Variants in GRK3 observed in about 807,000 individuals in gnomAD.
GRK3 encodes the protein adrenergic, beta, receptor kinase 2.
In GRK3, 54 loss-of-function variants were observed where a neutral mutation model predicts 95.7. The observed-to-expected ratio is 0.56, with a 90% CI of 0.45 to 0.71. GRK3 has a LOEUF of 0.71. GRK3 is among the 30% of genes least tolerant of loss of function. GRK3 has a pLI of 0.00. For synonymous variants in GRK3, 281 were observed against 290.8 expected (o/e 0.97, Z 0.34); for missense variants, 649 against 851.2 (o/e 0.76, Z 2.96).
intron 15 of GRK3, 81 bp from the exon 16 acceptor site, chr22:25,709,814 ATTG>A: frequency 1.0e-6 from 1 of 966,854 alleles, no homozygotes; most frequent in African/African-American, 1.6e-5. Flanking sequence ...GCTCCCCTGT[ATTG>A]TTAACAGGAG....
intron 1 of GRK3, among the ~76,000 whole-genome samples, chr22:25,599,588 TC>T (rs2084395245): frequency 8.2e-6 from 1 of 122,646 alleles, no homozygotes; most frequent in Non-Finnish European, 1.6e-5. Context: ...CGAGACTCTG[TC>T]TCAAAAAAAA....
chr22:25,624,391 C>T (rs1030208934), intron 2 of GRK3, among the ~76,000 whole-genome samples: 3 of 151,836 alleles, frequency 2.0e-5, no homozygotes, highest in Admixed American at 2.0e-4. Context: ...GTGAAACCCC[C>T]TCTCTACTAA....
chr22:25,650,156 G>A (rs1194332901), intron 3 of GRK3, among the ~76,000 whole-genome samples: 2 of 151,840 alleles, frequency 1.3e-5, no homozygotes, highest in African/African-American at 2.4e-5. Context: ...TAATCCCAGT[G>A]CCACCCTGTA....
chr22:25,576,617 A>T (rs892061615), intron 1 of GRK3, among the ~76,000 whole-genome samples: 13 of 152,256 alleles, frequency 8.5e-5, no homozygotes, highest in Non-Finnish European at 2.9e-5. Context: ...AGGTTCAGGG[A>T]GAAGCTAATT....
At position 25,727,281 on chromosome 22, in the gene GRK3, T is replaced by C. The variant is rs1165249534; in HGVS notation, c.*4831T>C. 1 of 152,258 alleles carries C rather than the reference T, an allele frequency of 6.6e-6. No homozygotes were observed. The highest frequency in any genetic ancestry group is 1.5e-5 in the Non-Finnish European group (1 of 68,040). 9.4% of individuals were successfully genotyped at this position (152,258 alleles called of 1,614,324 possible). On this transcript the variant is annotated 3_prime_UTR_variant, in exon 21 of 21. Transcript: ENST00000324198. ...ACTTAAATTCATGTTAATATGATTTTTTTTTAATCCAGGTCACATTTTAAC... is the reference window on the plus strand; with the variant it reads ...ACTTAAATTCATGTTAATATGATTTCTTTTTAATCCAGGTCACATTTTAAC...
At position 25,728,566 on chromosome 22, in the gene GRK3, AC is replaced by A; in HGVS notation, c.*6118del. 1 of 152,222 alleles carries A rather than the reference AC, an allele frequency of 6.6e-6. No homozygotes were observed. Among genetic ancestry groups the A allele is most frequent in the African/African-American group, 2.4e-5 (1 of 41,540 alleles). The allele number at this position is 152,222 out of a possible 1,614,324, so 9.4% of individuals were successfully genotyped here. A position where few individuals can be genotyped will look rare whatever the true frequency, so the allele number is the denominator to read the frequency against. ...CTTCCCCTTATTGTGCCAAATCCCCACCATCAGCCTTGCCATTGCCTTAAGA... is the reference window on the plus strand; with the variant it reads ...CTTCCCCTTATTGTGCCAAATCCCCACATCAGCCTTGCCATTGCCTTAAGA... On this transcript the variant is annotated 3_prime_UTR_variant, in exon 21 of 21. Transcript: ENST00000324198.
intron 6 of GRK3, among the ~76,000 whole-genome samples, chr22:25,669,298 G>C (rs1368223356): frequency 6.6e-6 from 1 of 152,102 alleles, no homozygotes; most frequent in Non-Finnish European, 1.5e-5. Context: ...CACCTTCCCT[G>C]AGGTCCAAGC....
intron 13 of GRK3, among the ~76,000 whole-genome samples, chr22:25,700,993 G>A (rs948218439): frequency 1.3e-5 from 2 of 152,218 alleles, no homozygotes; most frequent in African/African-American, 2.4e-5. Context: ...TGGGCAGGAT[G>A]TGTGTTTTCC....
At chr22:25,711,213 T>G in intron 17 of GRK3, 50 bp downstream of exon 17, 1 of 1,308,224 alleles carries the variant, frequency 7.6e-7, no homozygotes, top group South Asian at 1.3e-5. Flanking sequence ...GATGGGATGA[T>G]TTCTGTTGGA....
At chr22:25,689,127 G>A (rs1310963076) in intron 11 of GRK3, among the ~76,000 whole-genome samples, 1 of 151,090 alleles carries the variant, frequency 6.6e-6, no homozygotes, top group African/African-American at 2.4e-5. Flanking sequence ...CTTTCTGTAA[G>A]GTTACAGAAT....
intron 15 of GRK3, among the ~76,000 whole-genome samples, chr22:25,707,800 G>A (rs763534234): frequency 1.8e-4 from 28 of 152,156 alleles, no homozygotes; most frequent in Non-Finnish European, 3.5e-4. Flanking sequence ...GGATGGGGCT[G>A]CAGGTGGGCA....
rs1271533223 is a variant in GRK3, at chr22:25,727,938, AATAG to A, written c.*5491_*5494del. On this transcript the variant is annotated 3_prime_UTR_variant, in exon 21 of 21. Coordinates refer to ENST00000324198, the MANE Select transcript of GRK3 (RefSeq NM_005160.4). ...ATGGTATTTTTCTATGTTTAATTAT[AATAG>A]ATCTGGCTTTTTCTGGATAGCATAA... is the stretch of plus-strand genomic sequence containing the variant. 6.6e-6 allele frequency: 1 copy of A among 152,220 alleles called. No individual in the cohort carries two copies. The highest frequency in any genetic ancestry group is 2.4e-5 in the African/African-American group (1 of 41,450). The allele number at this position is 152,220 out of a possible 1,614,324, so 9.4% of individuals were successfully genotyped here.
chr22:25,706,915 C>T (rs550878533), intron 15 of GRK3, among the ~76,000 whole-genome samples: 126 of 152,222 alleles, frequency 8.3e-4, no homozygotes, highest in Non-Finnish European at 1.5e-3. Flanking sequence ...TCCAAACTCC[C>T]GGCCCAAGTA....
At chr22:25,708,153 A>G (rs1032384202) in intron 15 of GRK3, among the ~76,000 whole-genome samples, 1 of 152,112 alleles carries the variant, frequency 6.6e-6, no homozygotes, top group African/African-American at 2.4e-5. Flanking sequence ...AGGCTGAGGC[A>G]GGAGAATCGC....
chr22:25,604,489 T>C, intron 2 of GRK3, 36 bp downstream of exon 2: 1 of 1,488,132 alleles, frequency 6.7e-7, no homozygotes, highest in East Asian at 2.3e-5. Context: ...TACGGTAATT[T>C]TAGTGATGAA....
chr22:25,570,148 A>G (rs1470483995), intron 1 of GRK3, among the ~76,000 whole-genome samples: 4 of 152,242 alleles, frequency 2.6e-5, no homozygotes, highest in African/African-American at 9.6e-5. Flanking sequence ...AGAGACTGAT[A>G]GAGAATTCCT....
chr22:25,711,918 A>C (rs2052171328), intron 17 of GRK3, among the ~76,000 whole-genome samples: 1 of 152,142 alleles, frequency 6.6e-6, no homozygotes, highest in African/African-American at 2.4e-5. Context: ...TAAAACACAC[A>C]CCTGTGAGGT....
chr22:25,631,886 A>G (rs867882049), intron 2 of GRK3, among the ~76,000 whole-genome samples: 2 of 152,132 alleles, frequency 1.3e-5, no homozygotes, highest in Non-Finnish European at 2.9e-5. Context: ...TTTGAGACGC[A>G]CTTTGCACGT....
intron 2 of GRK3, among the ~76,000 whole-genome samples, chr22:25,612,979 T>C (rs974717277): frequency 2.0e-5 from 3 of 152,134 alleles, no homozygotes; most frequent in Non-Finnish European, 4.4e-5. Context: ...AACTAAAACA[T>C]TTTAGGATCA....
Sources: gnomAD v4.1 joint callset for allele counts (sites outside exome capture counted in the v4.1 genomes callset) on GRCh38, gnomAD v4.1.1 for gene constraint, MANE v1.5 for transcripts, NCBI Gene and HGNC (gene_info 2026-07-23, HGNC 2026-07-21) for gene names.